The following TRMT44 variants were observed in gnomAD, a reference collection of about 807,000 sequenced individuals.
TRMT44 encodes the protein probable tRNA (uracil-O(2)-)-methyltransferase.
Under a neutral mutation model 77.3 loss-of-function variants are expected in TRMT44, and 78 were observed. The observed-to-expected ratio is 1.01, with a 90% CI of 0.84 to 1.22. The LOEUF is 1.22. TRMT44 is among the 50% of genes most tolerant of loss of function. The pLI is 0.00. For missense variants in TRMT44, 1,090 were observed against 964.4 expected (o/e 1.13, Z -1.73); for synonymous variants, 391 against 383.3 (o/e 1.02, Z -0.23).
Position 8,476,019 on chromosome 4 carries a change from C to A in TRMT44, c.*18C>A. ...TTTCATGAGCTGCATCCTTGCCAGC[C>A]GAGGCCTGGTTGGGGAGGCCAAACC... On this transcript the variant is annotated 3_prime_UTR_variant, in exon 11 of 11. Transcript: ENST00000389737. 1 of 1,610,190 alleles carries A rather than the reference C, an allele frequency of 6.2e-7. No individual in the cohort carries two copies. Among genetic ancestry groups the A allele is most frequent in the Non-Finnish European group, 8.5e-7 (1 of 1,177,522 alleles).
chr4:8,488,750 C>G (rs914934425), intron 2 of TRMT44, among the ~76,000 whole-genome samples: 2 of 152,212 alleles, frequency 1.3e-5, no homozygotes, highest in African/African-American at 4.8e-5. Context: ...GCCCTAGATG[C>G]CATCCTTCCA....
chr4:8,476,020 G>T lies in TRMT44; in HGVS notation c.*19G>T, dbSNP rs549467599. On this transcript the variant is annotated 3_prime_UTR_variant, in exon 11 of 11. Transcript: ENST00000389737. ...TTCATGAGCTGCATCCTTGCCAGCC[G>T]AGGCCTGGTTGGGGAGGCCAAACCA... The T allele has an allele frequency of 6.2e-7, 1 of 1,610,158 alleles. No homozygotes were observed. Among genetic ancestry groups the T allele is most frequent in the Non-Finnish European group, 8.5e-7 (1 of 1,177,490 alleles).
At chr4:8,475,745 G>A (rs189399497) in intron 10 of TRMT44, 27 bp from the exon 11 acceptor site, 2 of 1,608,552 alleles carry the variant, frequency 1.2e-6, no homozygotes, top group African/African-American at 1.3e-5. Context: ...TTACTTCTCA[G>A]TGTGTCTTCT....
At chr4:8,503,324 C>T in the TRMT44 span, among the ~76,000 whole-genome samples, 1 of 152,224 alleles carries the variant, frequency 6.6e-6, no homozygotes, top group African/African-American at 2.4e-5. Context: ...CCCAGCAGAC[C>T]CTAGGCCGTG....
At chr4:8,460,745 G>T (rs1392197412) in intron 6 of TRMT44, among the ~76,000 whole-genome samples, 1 of 152,134 alleles carries the variant, frequency 6.6e-6, no homozygotes, top group Non-Finnish European at 1.5e-5. Context: ...GTAGAGACGG[G>T]GTTTTGCCAT....
the TRMT44 span, among the ~76,000 whole-genome samples, chr4:8,505,047 C>G: frequency 6.6e-6 from 1 of 152,166 alleles, no homozygotes; most frequent in Non-Finnish European, 1.5e-5. Context: ...CTCCCTCCAC[C>G]AACAACAGCT....
At chr4:8,447,479 G>T (rs1228532095) in intron 2 of TRMT44, among the ~76,000 whole-genome samples, 1 of 152,134 alleles carries the variant, frequency 6.6e-6, no homozygotes, top group Non-Finnish European at 1.5e-5. Flanking sequence ...GAATGAGTTT[G>T]CCCGGGGCTT....
chr4:8,485,767 AGG>A (rs1487063688), intron 2 of TRMT44, among the ~76,000 whole-genome samples: 1 of 152,164 alleles, frequency 6.6e-6, no homozygotes, highest in African/African-American at 2.4e-5. Context: ...GGAACGGGGC[AGG>A]TGAGGATAAC....
chr4:8,460,302 A>G (rs548090436), intron 6 of TRMT44, among the ~76,000 whole-genome samples: 1 of 152,280 alleles, frequency 6.6e-6, no homozygotes, highest in East Asian at 1.9e-4. Flanking sequence ...AGAGGGCAGA[A>G]TGTTGTTTTA....
rs561455949 is a variant in TRMT44, at chr4:8,470,293, G to T, written c.1928-791G>T. On this transcript the variant is annotated intron_variant, in intron 9 of 10. Coordinates refer to ENST00000389737, the MANE Select transcript of TRMT44 (RefSeq NM_152544.3). ...CCAGCACCAGGCTCCTGGGTCAGGA[G>T]TGTGGTGTCCTGATCCGTAGGGGTC... 2.2e-4 allele frequency among the ~76,000 whole-genome samples: 34 copies of T among 152,306 alleles called. No individual in the cohort carries two copies. In the South Asian group the frequency reaches 6.2e-3, roughly 28 times the overall value.
intron 2 of TRMT44, among the ~76,000 whole-genome samples, chr4:8,487,078 C>A (rs181274258): frequency 6.6e-6 from 1 of 152,062 alleles, no homozygotes; most frequent in East Asian, 1.9e-4. Context: ...AATGCCTGGA[C>A]GTCAGGCACA....
chr4:8,464,590 T>A (rs548501279), intron 7 of TRMT44, among the ~76,000 whole-genome samples: 1 of 152,334 alleles, frequency 6.6e-6, no homozygotes, highest in African/African-American at 2.4e-5. Context: ...CTGAGTCTCC[T>A]TATCTCAGAT....
At chr4:8,507,814 C>T in the TRMT44 span, among the ~76,000 whole-genome samples, 150 of 152,302 alleles carry the variant, frequency 9.8e-4, no homozygotes, top group African/African-American at 3.0e-3. Context: ...GTGACAGATC[C>T]GGCAGCAGGC....
At chr4:8,467,514 C>T (rs1312200404) in intron 8 of TRMT44, among the ~76,000 whole-genome samples, 4 of 152,048 alleles carry the variant, frequency 2.6e-5, no homozygotes, top group African/African-American at 9.6e-5. Context: ...GGAGTTTTTG[C>T]TCTTGTCACC....
chr4:8,485,825 T>G (rs376269991), intron 2 of TRMT44, among the ~76,000 whole-genome samples: 1 of 151,252 alleles, frequency 6.6e-6, no homozygotes, highest in Non-Finnish European at 1.5e-5. Context: ...GGCACCAGAG[T>G]GGGGGAGTTT....
At chr4:8,509,176 A>T in the TRMT44 span, 2 of 140,204 alleles carry the variant, frequency 1.4e-5, no homozygotes, top group East Asian at 4.5e-4. Flanking sequence ...AACCAAAGAG[A>T]TCCTTTGCAG....
chr4:8,512,037 TTTGTTG>T, the TRMT44 span: 1 of 152,102 alleles, frequency 6.6e-6, no homozygotes, highest in Admixed American at 6.5e-5. Context: ...TTAGTTTTCT[TTTGTTG>T]TTGTTGTTGT....
At chr4:8,487,011 A>T (rs1326241088) in intron 2 of TRMT44, among the ~76,000 whole-genome samples, 1 of 152,126 alleles carries the variant, frequency 6.6e-6, no homozygotes, top group Non-Finnish European at 1.5e-5. Flanking sequence ...GAAAGAAGGA[A>T]GGTTTGGGAC....
intron 2 of TRMT44, among the ~76,000 whole-genome samples, chr4:8,488,465 A>C (rs1243294190): frequency 1.3e-5 from 2 of 152,248 alleles, no homozygotes; most frequent in Non-Finnish European, 2.9e-5. Flanking sequence ...TGGGGGTCGC[A>C]AGGTGCTCCG....
Sources: allele counts gnomAD v4.1 joint callset (sites outside exome capture counted in the v4.1 genomes callset), GRCh38; gene constraint gnomAD v4.1.1; transcripts MANE v1.5; gene names NCBI Gene and HGNC (gene_info 2026-07-23, HGNC 2026-07-21).